Variants in BCLAF3 observed in about 807,000 individuals in gnomAD.
BCLAF3 encodes the protein BCLAF1 and THRAP3 family member 3.
A neutral mutation model predicts 51.2 loss-of-function variants in BCLAF3; 24 were observed. That is an observed-to-expected ratio of 0.47 (90% CI 0.34 to 0.66). BCLAF3 has a LOEUF of 0.66. Among genes scored for constraint, BCLAF3 ranks in the 30% least tolerant of loss-of-function variants. BCLAF3 has a pLI of 0.01. For synonymous variants in BCLAF3, 152 were observed against 176.6 expected, an observed-to-expected ratio of 0.86 and a Z score of 1.10; for missense variants, 465 against 525.1, an observed-to-expected ratio of 0.89 and a Z score of 1.12.
Position 19,915,463 on chromosome X carries a change from C to T in BCLAF3, c.*1842G>A, listed in dbSNP as rs751068760. On this transcript the variant is annotated 3_prime_UTR_variant, in exon 12 of 12. Coordinates refer to ENST00000379682, the MANE Select transcript of BCLAF3 (RefSeq NM_001367774.2). ...CTGCACAGGTATTTTGCAGATAACA[C>T]GCTTTGCATATTGAGACAGTGCCAA... is the stretch of plus-strand genomic sequence containing the variant. 3 of 111,884 alleles carry T rather than the reference C, an allele frequency of 2.7e-5. No individual in the cohort carries two copies. Among genetic ancestry groups the T allele is most frequent in the South Asian group, 3.7e-4 (1 of 2,705 alleles). 9.2% of individuals were successfully genotyped at this position (111,884 alleles called of 1,213,427 possible).
At chrX:19,950,466 T>A (rs2071442514) in intron 8 of BCLAF3, among the ~76,000 whole-genome samples, 1 of 112,352 alleles carries the variant, frequency 8.9e-6, no homozygotes, top group Admixed American at 9.4e-5. Context: ...GTAAACTTGC[T>A]GGTCCTGCCT....
At chrX:19,955,227 T>C (rs2071622543) in intron 5 of BCLAF3, among the ~76,000 whole-genome samples, 164 bp downstream of exon 5, 1 of 112,073 alleles carries the variant, frequency 8.9e-6, no homozygotes, top group Non-Finnish European at 1.9e-5. Flanking sequence ...ACAACTAGGC[T>C]CGAATGAATG....
intron 1 of BCLAF3, among the ~76,000 whole-genome samples, chrX:19,983,276 G>C (rs1286470764): frequency 9.5e-6 from 1 of 105,259 alleles, no homozygotes; most frequent in Non-Finnish European, 1.9e-5. Context: ...ATTCTGAATG[G>C]TTAAAAATAA....
At chrX:19,965,922 A>G (rs114905479) in intron 3 of BCLAF3, among the ~76,000 whole-genome samples, 158 bp downstream of exon 3, 3,016 of 112,170 alleles carry the variant, frequency 0.027, 118 homozygotes, top group African/African-American at 0.093. Context: ...TCTAAAAAGA[A>G]ATACTTCACT....
At chrX:19,968,895 C>T (rs2072157506) in intron 2 of BCLAF3, among the ~76,000 whole-genome samples, 3 of 111,565 alleles carry the variant, frequency 2.7e-5, no homozygotes, top group South Asian at 3.7e-4. Flanking sequence ...GGGCGGATCA[C>T]GAGGACAGGA....
chrX:19,986,038 T>A (rs1172211340), intron 1 of BCLAF3, among the ~76,000 whole-genome samples: 1 of 111,046 alleles, frequency 9.0e-6, no homozygotes, highest in East Asian at 2.8e-4. Flanking sequence ...TAATTCAAAA[T>A]TCTGTAGTTT....
chrX:19,923,910 C>T (rs1297379235), intron 11 of BCLAF3, among the ~76,000 whole-genome samples: 6 of 106,812 alleles, frequency 5.6e-5, no homozygotes, highest in East Asian at 2.9e-4. Context: ...GATGTGATCT[C>T]GTCTCACTGC....
Position 19,922,187 on chromosome X carries a change from A to T in BCLAF3, c.2107-4853T>A, listed in dbSNP as rs1029562413. 2.7e-5 allele frequency among the ~76,000 whole-genome samples: 3 copies of T among 110,517 alleles called. No homozygotes were observed. In the Admixed American group the frequency reaches 2.9e-4, roughly 11 times the overall value. The stretch of plus-strand genomic sequence containing the variant: ...GGTCAGGAGTTCGAGACCTGGACAA[A>T]ATCAAGCTATCAGTGATAGAACATT... On this transcript the variant is annotated intron_variant, in intron 11 of 11. Coordinates refer to ENST00000379682, the MANE Select transcript of BCLAF3 (RefSeq NM_001367774.2).
rs947976607 is a variant in BCLAF3, at chrX:19,913,936, T to C, written c.*3369A>G. The C allele has an allele frequency of 8.9e-6, 1 of 111,983 alleles. No individual in the cohort carries two copies. The highest frequency in any genetic ancestry group is 3.2e-5 in the African/African-American group (1 of 30,779). The allele number at this position is 111,983 out of a possible 1,213,427, so 9.2% of individuals were successfully genotyped here. A position where few individuals can be genotyped will look rare whatever the true frequency, so the allele number is the denominator to read the frequency against. ...CATCTATGATTCCTCAGTTCTTAAA[T>C]GTTCATTCTGTATTTTAATGGACTC... On this transcript the variant is annotated 3_prime_UTR_variant, in exon 12 of 12. Transcript: ENST00000379682.
At chrX:19,936,872 T>C (rs1031178679) in intron 9 of BCLAF3, among the ~76,000 whole-genome samples, 1 of 111,389 alleles carries the variant, frequency 9.0e-6, no homozygotes, top group African/African-American at 3.3e-5. Flanking sequence ...ATTCTAAAAC[T>C]GGACTGTGGT....
intron 8 of BCLAF3, among the ~76,000 whole-genome samples, chrX:19,950,308 GATCCACAATT>G (rs2071438934): frequency 8.9e-6 from 1 of 111,754 alleles, no homozygotes; most frequent in Admixed American, 9.5e-5. Flanking sequence ...TCAGTACAGT[GATCCACAATT>G]ATCCAGTATA....
At chrX:19,928,879 A>T (rs1156601464) in intron 11 of BCLAF3, 1 of 111,676 alleles carries the variant, frequency 9.0e-6, no homozygotes, top group Non-Finnish European at 1.9e-5. Flanking sequence ...AAAAAAGTCA[A>T]ACTTACAGAA....
At chrX:19,947,682 G>T (rs771075844) in intron 8 of BCLAF3, among the ~76,000 whole-genome samples, 2 of 111,951 alleles carry the variant, frequency 1.8e-5, no homozygotes, top group East Asian at 5.6e-4. Context: ...AAATCTAAAT[G>T]TATTACAAGT....
Position 19,939,122 on chromosome X carries a change from A to G in BCLAF3, c.1746-1590T>C, listed in dbSNP as rs553475430. ...GCTCACGACAGTAGATCAAAAGAGT[A>G]AAGTGCAAAGTTGTATATTGAGGAT... On this transcript the variant is annotated intron_variant, in intron 8 of 11. Transcript: ENST00000379682. Among the ~76,000 whole-genome samples the G allele has an allele frequency of 7.1e-5, 8 of 112,333 alleles. No individual in the cohort carries two copies. The South Asian group carries it at 3.0e-3, about 42-fold the overall frequency.
chrX:19,942,175 GAGAC>G (rs1316357330), intron 8 of BCLAF3, among the ~76,000 whole-genome samples: 1 of 44,886 alleles, frequency 2.2e-5, no homozygotes, highest in Non-Finnish European at 3.5e-5. Flanking sequence ...ATTTTGGGCT[GAGAC>G]AATGGGGTTT....
At chrX:19,949,241 CACT>C (rs1188086585) in intron 8 of BCLAF3, among the ~76,000 whole-genome samples, 2 of 111,498 alleles carry the variant, frequency 1.8e-5, no homozygotes, top group Non-Finnish European at 3.8e-5. Context: ...TCTTAACCAC[CACT>C]GTGAGGTAAG....
chrX:19,914,226 G>C lies in BCLAF3; in HGVS notation c.*3079C>G, dbSNP rs1167602311. The C allele has an allele frequency of 9.0e-6, 1 of 111,438 alleles. No homozygotes were observed. Among genetic ancestry groups the C allele is most frequent in the African/African-American group, 3.3e-5 (1 of 30,574 alleles). 9.2% of individuals were successfully genotyped at this position (111,438 alleles called of 1,213,427 possible). A position where few individuals can be genotyped will look rare whatever the true frequency, so the allele number is the denominator to read the frequency against. The stretch of plus-strand genomic sequence containing the variant: ...AGTTTTCCTTGACTCTCCTCCACGT[G>C]GCCTGGTCACCTCGTCAGTGCCTTT... On this transcript the variant is annotated 3_prime_UTR_variant, in exon 12 of 12. Transcript: ENST00000379682.
rs895036280 is a variant in BCLAF3, at chrX:19,935,591, G to C, written c.1950+218C>G. 1.1e-5 allele frequency: 4 copies of C among 368,074 alleles called. No individual in the cohort carries two copies. The Admixed American group carries it at 1.8e-4, about 17-fold the overall frequency. 30.3% of individuals were successfully genotyped at this position (368,074 alleles called of 1,213,427 possible). A position where few individuals can be genotyped will look rare whatever the true frequency, so the allele number is the denominator to read the frequency against. ...TGTTTCCATGTAATATTTGGAAAAG[G>C]AATCTACTGGTAAAAAAAAAAAAAT... On this transcript the variant is annotated intron_variant, in intron 10 of 11. Coordinates refer to ENST00000379682, the MANE Select transcript of BCLAF3 (RefSeq NM_001367774.2).
At chrX:19,975,635 C>T (rs1048340915) in intron 1 of BCLAF3, among the ~76,000 whole-genome samples, 5 of 112,141 alleles carry the variant, frequency 4.5e-5, no homozygotes, top group Admixed American at 1.9e-4. Flanking sequence ...TGAGCCACTG[C>T]GCCCGGCCCA....
Sources: allele counts gnomAD v4.1 joint callset (sites outside exome capture counted in the v4.1 genomes callset), GRCh38; gene constraint gnomAD v4.1.1; transcripts MANE v1.5; gene names NCBI Gene and HGNC (gene_info 2026-07-23, HGNC 2026-07-21).